The following SPPL3 variants were observed in gnomAD, a reference collection of about 807,000 sequenced individuals.
SPPL3 encodes the protein signal peptide peptidase like 3.
Under a neutral mutation model 42.4 loss-of-function variants are expected in SPPL3, and 5 were observed. That is an observed-to-expected ratio of 0.12 (90% CI 0.06 to 0.25). The LOEUF (loss-of-function observed/expected upper bound fraction) is 0.25, where lower values mean the gene tolerates loss of function less well. SPPL3 is among the 10% of genes least tolerant of loss of function. SPPL3 has a pLI of 1.00. For synonymous variants in SPPL3, 195 were observed against 181.8 expected (o/e 1.07, Z -0.58); for missense variants, 235 against 489.0 (o/e 0.48, Z 4.90).
rs749748343 is a variant in SPPL3 at position 120,764,874 on chromosome 12, A to G, written c.*125T>C. ...CGAGCTCCCTTTAAATGCCAAATCC[A>G]GTCACACGGCAGTTCCTTAAACACA... On this transcript the variant is annotated 3_prime_UTR_variant, in exon 11 of 11. Transcript: ENST00000353487. 41 of 993,092 alleles carry G rather than the reference A, an allele frequency of 4.1e-5. No homozygotes were observed. The highest frequency in any genetic ancestry group is 5.6e-5 in the Non-Finnish European group (39 of 697,922). 61.5% of individuals were successfully genotyped at this position (993,092 alleles called of 1,614,324 possible). A position where few individuals can be genotyped will look rare whatever the true frequency, so the allele number is the denominator to read the frequency against.
Position 120,783,706 on chromosome 12 carries a change from C to T in SPPL3, c.357G>A (p.Gln119=), listed in dbSNP as rs776816996. 6.2e-7 allele frequency: 1 copy of T among 1,613,712 alleles called. No individual in the cohort carries two copies. Among genetic ancestry groups the T allele is most frequent in the South Asian group, 1.1e-5 (1 of 90,986 alleles). ...AFAFLLLPMC[Q]YLTRPCSPQN... is the part of the protein sequence containing the mutation. ...GAGGTGAGCAGGGTCTTGTTAAATA[C>T]TGGCACATCGGGAGGAGAAGAAAAG... The change falls in exon 5 of 11, where the codon CAG becomes CAA. Residue 119 remains glutamine, a synonymous_variant. Transcript: ENST00000353487.
Position 120,903,894 on chromosome 12 carries a change from C to G in SPPL3, c.-27G>C, listed in dbSNP as rs1014040958. 246 of 1,386,806 alleles carry G rather than the reference C, an allele frequency of 1.8e-4. No homozygotes were observed. Among genetic ancestry groups the G allele is most frequent in the Non-Finnish European group, 2.2e-4 (236 of 1,070,108 alleles). The allele number at this position is 1,386,806 out of a possible 1,614,324, so 85.9% of individuals were successfully genotyped here. A position where few individuals can be genotyped will look rare whatever the true frequency, so the allele number is the denominator to read the frequency against. ...GCGCTGCCTCTCGTGGGCTCCGCTG[C>G]AGGCTGTGGCCGGGCCCGGCGGCGG... On this transcript the variant is annotated 5_prime_UTR_variant, in exon 1 of 11. Transcript: ENST00000353487.
At chr12:120,873,136 A>G (rs1279874572) in intron 1 of SPPL3, among the ~76,000 whole-genome samples, 2 of 152,238 alleles carry the variant, frequency 1.3e-5, no homozygotes, top group Non-Finnish European at 2.9e-5. Context: ...ACCCAAATGG[A>G]AACTGTAAAG....
rs1011794335 is a variant in SPPL3 at position 120,881,562 on chromosome 12, C to A, written c.23+22283G>T. Among the ~76,000 whole-genome samples, 54 of 145,658 alleles carry A rather than the reference C, an allele frequency of 3.7e-4. 1 individual carries two copies. The highest frequency in any genetic ancestry group is 1.3e-3 in the African/African-American group (49 of 39,080). On this transcript the variant is annotated intron_variant, in intron 1 of 10. Transcript: ENST00000353487. ...AGCAATCCCACTTCTAGGTTTATATCCAAAAGAACTGAAAGCAGGGTCTCG... is the reference window on the plus strand; with the variant it reads ...AGCAATCCCACTTCTAGGTTTATATACAAAAGAACTGAAAGCAGGGTCTCG...
At chr12:120,867,509 C>CA (rs1872790238) in intron 1 of SPPL3, among the ~76,000 whole-genome samples, 1 of 151,888 alleles carries the variant, frequency 6.6e-6, no homozygotes, top group African/African-American at 2.4e-5. Flanking sequence ...CACTAAAATA[C>CA]AAAAAACTAG....
chr12:120,859,680 G>T (rs554929016), intron 1 of SPPL3, among the ~76,000 whole-genome samples: 2 of 152,072 alleles, frequency 1.3e-5, no homozygotes, highest in African/African-American at 4.8e-5. Flanking sequence ...CTGGGGCCGG[G>T]TGCAGTGGCT....
At chr12:120,807,820 TAA>T (rs2136999324) in intron 2 of SPPL3, among the ~76,000 whole-genome samples, 1 of 152,262 alleles carries the variant, frequency 6.6e-6, no homozygotes, top group East Asian at 1.9e-4. Flanking sequence ...ATCAAACATT[TAA>T]AGACAAAATT....
At chr12:120,789,984 CAGCAG>C (rs1869861644) in intron 3 of SPPL3, among the ~76,000 whole-genome samples, 1 of 151,952 alleles carries the variant, frequency 6.6e-6, no homozygotes, top group African/African-American at 2.4e-5. Flanking sequence ...ATGCAATGTA[CAGCAG>C]ATTTATAATT....
chr12:120,781,409 G>A (rs534723783), intron 6 of SPPL3, among the ~76,000 whole-genome samples: 21 of 151,886 alleles, frequency 1.4e-4, no homozygotes, highest in African/African-American at 4.6e-4. Context: ...ATATAGACAT[G>A]TATTTATATC....
At chr12:120,768,589 G>T in intron 7 of SPPL3, 101 bp from the exon 8 acceptor site, 1 of 1,305,126 alleles carries the variant, frequency 7.7e-7, no homozygotes, top group Non-Finnish European at 1.1e-6. Context: ...AGAATGCTGT[G>T]ACTGCAATGC....
At chr12:120,789,694 G>A (rs761005647) in intron 3 of SPPL3, among the ~76,000 whole-genome samples, 4 of 151,148 alleles carry the variant, frequency 2.6e-5, no homozygotes, top group Non-Finnish European at 5.9e-5. Flanking sequence ...GCATGGTGGC[G>A]AGCGCCTGTA....
chr12:120,837,683 C>A (rs897597284), intron 1 of SPPL3, among the ~76,000 whole-genome samples: 1 of 152,134 alleles, frequency 6.6e-6, no homozygotes, highest in Non-Finnish European at 1.5e-5. Flanking sequence ...TAAAAATACC[C>A]ACCTAAAAAG....
At chr12:120,834,964 A>T (rs533280716) in intron 1 of SPPL3, among the ~76,000 whole-genome samples, 97 of 152,340 alleles carry the variant, frequency 6.4e-4, no homozygotes, top group African/African-American at 2.2e-3. Flanking sequence ...AACAGTACAA[A>T]TCTATTTTAT....
intron 1 of SPPL3, among the ~76,000 whole-genome samples, chr12:120,835,904 T>G (rs933985173): frequency 1.3e-5 from 2 of 152,212 alleles, no homozygotes; most frequent in Non-Finnish European, 2.9e-5. Context: ...TAACTTAAAT[T>G]CTGGCAACTT....
chr12:120,798,007 G>A (rs1457958190), intron 2 of SPPL3, among the ~76,000 whole-genome samples: 2 of 152,186 alleles, frequency 1.3e-5, no homozygotes, highest in African/African-American at 4.8e-5. Flanking sequence ...AATCTATGAA[G>A]TAGAGACTGG....
At chr12:120,893,061 C>T (rs1873693563) in intron 1 of SPPL3, among the ~76,000 whole-genome samples, 2 of 151,248 alleles carry the variant, frequency 1.3e-5, no homozygotes, top group Non-Finnish European at 2.9e-5. Context: ...TAAACGTACA[C>T]ACTAAGGACT....
intron 2 of SPPL3, among the ~76,000 whole-genome samples, chr12:120,794,571 T>A (rs1713152464): frequency 6.6e-6 from 1 of 152,122 alleles, no homozygotes; most frequent in African/African-American, 2.4e-5. Flanking sequence ...CTAATTTTTG[T>A]ATTTTTAGTA....
chr12:120,810,788 C>A (rs1362938061), intron 2 of SPPL3, 21 bp downstream of exon 2: 1 of 1,577,068 alleles, frequency 6.3e-7, no homozygotes, highest in Non-Finnish European at 8.7e-7. Context: ...CTTGTATCAA[C>A]CCCATTTGAG....
At chr12:120,832,547 C>G (rs1592985484) in intron 1 of SPPL3, among the ~76,000 whole-genome samples, 1 of 152,168 alleles carries the variant, frequency 6.6e-6, no homozygotes, top group Middle Eastern at 3.4e-3. Flanking sequence ...GTGGCGCATG[C>G]CTGTAATCCC....
Sources: allele counts gnomAD v4.1 joint callset (sites outside exome capture counted in the v4.1 genomes callset), GRCh38; gene constraint gnomAD v4.1.1; transcripts MANE v1.5; gene names NCBI Gene and HGNC (gene_info 2026-07-23, HGNC 2026-07-21).